NSDHL: variants seen among roughly 807,000 people sequenced by gnomAD.
The protein encoded by NSDHL is sterol-4-alpha-carboxylate 3-dehydrogenase, decarboxylating.
In NSDHL, 1 loss-of-function variant was observed where a neutral mutation model predicts 23.0. That is an observed-to-expected ratio of 0.04 (90% CI 0.02 to 0.21). The LOEUF (loss-of-function observed/expected upper bound fraction) is 0.21. Ranked by LOEUF, NSDHL falls within the 10% of genes least tolerant of loss-of-function variation. The probability of loss-of-function intolerance (pLI) is 1.00; values close to 1 mark genes in which losing one functional copy is unlikely to be tolerated. For synonymous variants in NSDHL, 128 were observed against 121.1 expected (o/e 1.06, Z -0.37); for missense variants, 237 against 300.9 (o/e 0.79, Z 1.57).
At chrX:152,867,272 G>A (rs782292111) in intron 6 of NSDHL, among the ~76,000 whole-genome samples, 6 of 112,187 alleles carry the variant, frequency 5.3e-5, no homozygotes, top group Non-Finnish European at 1.1e-4. Flanking sequence ...CCTGGGAAGG[G>A]GCTGAAAAGC....
chrX:152,867,638 G>C lies in NSDHL; in HGVS notation c.754G>C (p.Glu252Gln), dbSNP rs371404417. The change falls in exon 7 of 8, where the codon GAG (glutamate) becomes CAG (glutamine). Residue 252 changes from glutamate to glutamine, a missense_variant. By Grantham distance (29) the Glu-to-Gln change is conservative (BLOSUM62 2). Coordinates refer to ENST00000370274, the MANE Select transcript of NSDHL (RefSeq NM_015922.3). ...NVVHGHILAA[E>Q]QLSRDSTLGG... ...GGTCCATGGACACATCCTGGCGGCA[G>C]AGCAGCTCTCCCGAGACTCGACACT... 9.9e-6 allele frequency: 12 copies of C among 1,207,521 alleles called. No homozygotes were observed. The highest frequency in any genetic ancestry group is 3.5e-5 in the African/African-American group (2 of 57,262).
At chrX:152,868,577 A>G (rs1193526324) in intron 7 of NSDHL, among the ~76,000 whole-genome samples, 2 of 112,715 alleles carry the variant, frequency 1.8e-5, no homozygotes, top group African/African-American at 3.2e-5. Context: ...AGTGCAATCT[A>G]TGCTTCATTT....
chrX:152,856,028 C>G (rs1933439806), intron 3 of NSDHL, among the ~76,000 whole-genome samples: 1 of 112,229 alleles, frequency 8.9e-6, no homozygotes, highest in Non-Finnish European at 1.9e-5. Context: ...TTTTAAACTT[C>G]AGTCTATTTA....
In NSDHL at chrX:152,865,148, T is replaced by C. The variant is rs1221914633; in HGVS notation, c.544-671T>C. Reference sequence around the variant, plus strand: ...AGACTCTTGAGTTCTAGTTTGTCCATGAAGTCACACAGAAGTCACCCTTTC... The same window carrying C: ...AGACTCTTGAGTTCTAGTTTGTCCACGAAGTCACACAGAAGTCACCCTTTC... On this transcript the variant is annotated intron_variant, in intron 5 of 7. Coordinates refer to ENST00000370274, the MANE Select transcript of NSDHL (RefSeq NM_015922.3). Among the ~76,000 whole-genome samples, 4 of 112,752 alleles carry C rather than the reference T, an allele frequency of 3.5e-5. No individual in the cohort carries two copies. The Admixed American group carries it at 3.7e-4, about 11-fold the overall frequency.
At chrX:152,867,835 G>A (rs1556848298) in intron 7 of NSDHL, among the ~76,000 whole-genome samples, 162 bp downstream of exon 7, 1 of 112,073 alleles carries the variant, frequency 8.9e-6, no homozygotes, top group Non-Finnish European at 1.9e-5. Flanking sequence ...AGCATGTGGT[G>A]TCACTGCAGC....
intron 2 of NSDHL, among the ~76,000 whole-genome samples, chrX:152,847,804 A>G (rs1933296519): frequency 9.0e-6 from 1 of 111,464 alleles, no homozygotes; most frequent in African/African-American, 3.3e-5. Flanking sequence ...CCAGCGCCCT[A>G]GACTATTCTG....
At chrX:152,855,381 T>G (rs1933429775) in intron 3 of NSDHL, among the ~76,000 whole-genome samples, 1 of 111,806 alleles carries the variant, frequency 8.9e-6, no homozygotes, top group African/African-American at 3.3e-5. Flanking sequence ...CCGGTCGTTG[T>G]TCGTTTGTAG....
At chrX:152,837,270 A>C (rs1569471499) in intron 1 of NSDHL, among the ~76,000 whole-genome samples, 1 of 111,438 alleles carries the variant, frequency 9.0e-6, no homozygotes, top group East Asian at 2.8e-4. Flanking sequence ...CTCTTTTCCT[A>C]ATTGAATACC....
chrX:152,850,145 AAG>A (rs1321353675), intron 2 of NSDHL, 118 bp from the exon 3 acceptor site: 66 of 759,096 alleles, frequency 8.7e-5, no homozygotes, highest in Non-Finnish European at 1.2e-4. Flanking sequence ...TTGGCTCAAG[AAG>A]AGTTCCAAAC....
At chrX:152,832,616 C>G (rs1430277963) in intron 1 of NSDHL, among the ~76,000 whole-genome samples, 1 of 111,988 alleles carries the variant, frequency 8.9e-6, no homozygotes, top group East Asian at 2.8e-4. Context: ...GGTAACCCTT[C>G]TAGCTTAATG....
intron 3 of NSDHL, among the ~76,000 whole-genome samples, chrX:152,857,003 C>T (rs1466552323): frequency 8.9e-6 from 1 of 112,559 alleles, no homozygotes; most frequent in Non-Finnish European, 1.9e-5. Context: ...TGAGATCATG[C>T]CACTGCACTC....
intron 4 of NSDHL, 149 bp downstream of exon 4, chrX:152,859,065 C>A: frequency 2.2e-6 from 1 of 458,983 alleles, no homozygotes. Context: ...CCCTTGGAGT[C>A]ACTGGAGATG....
At chrX:152,841,645 A>G (rs1556844892) in intron 1 of NSDHL, among the ~76,000 whole-genome samples, 2 of 111,983 alleles carry the variant, frequency 1.8e-5, no homozygotes, top group Non-Finnish European at 1.9e-5. Flanking sequence ...TTGGTTTTTA[A>G]TGGATTCAAA....
intron 7 of NSDHL, 81 bp from the exon 8 acceptor site, chrX:152,868,703 T>C: frequency 2.4e-6 from 2 of 848,025 alleles, no homozygotes; most frequent in Non-Finnish European, 3.5e-6. Context: ...GAGAATGCGA[T>C]CTGCACGGGC....
At position 152,865,863 on chromosome X, in the gene NSDHL, A is replaced by G; in HGVS notation, c.588A>G (p.Thr196=). Residue 196 remains threonine, a synonymous_variant, in exon 6 of 8, where the codon ACA becomes ACG. Coordinates refer to ENST00000370274, the MANE Select transcript of NSDHL (RefSeq NM_015922.3). ...ANDPEKNFLT[T]AIRPHGIFGP... The stretch of plus-strand genomic sequence containing the variant: ...ATCCTGAGAAGAATTTCTTAACCAC[A>G]GCCATCCGCCCTCATGGCATTTTCG... 3 of 1,212,139 alleles carry G rather than the reference A, an allele frequency of 2.5e-6. No homozygotes were observed. The highest frequency in any genetic ancestry group is 3.4e-6 in the Non-Finnish European group (3 of 895,442).
rs149619028 is a variant in NSDHL, at chrX:152,850,144, G to C, written c.109-121G>C. ...ATATAAAGCTTCCAACTTGGCTCAA[G>C]AAGAGTTCCAAACAAACAAGTATAT... On this transcript the variant is annotated intron_variant, in intron 2 of 7. Coordinates refer to ENST00000370274, the MANE Select transcript of NSDHL (RefSeq NM_015922.3). 8 of 758,138 alleles carry C rather than the reference G, an allele frequency of 1.1e-5. No homozygotes were observed. The East Asian group carries it at 2.5e-4, about 24-fold the overall frequency. 62.5% of individuals were successfully genotyped at this position (758,138 alleles called of 1,213,427 possible). A position where few individuals can be genotyped will look rare whatever the true frequency, so the allele number is the denominator to read the frequency against.
At chrX:152,831,478 G>A (rs1933013062) in intron 1 of NSDHL, among the ~76,000 whole-genome samples, 1 of 110,869 alleles carries the variant, frequency 9.0e-6, no homozygotes, top group African/African-American at 3.3e-5. Flanking sequence ...TTCCAAGAGA[G>A]GATCACTTTA....
intron 3 of NSDHL, among the ~76,000 whole-genome samples, chrX:152,850,865 G>A (rs148798622): frequency 7.1e-5 from 8 of 112,294 alleles, no homozygotes; most frequent in African/African-American, 2.3e-4. Flanking sequence ...CTGTGCAACT[G>A]TCTCCCATGA....
rs1213740380 is a variant in NSDHL, at chrX:152,869,122, A to C, written c.*6A>C. 8.4e-7 allele frequency: 1 copy of C among 1,190,673 alleles called. No individual in the cohort carries two copies. The highest frequency in any genetic ancestry group is 2.2e-5 in the Admixed American group (1 of 45,846). On this transcript the variant is annotated 3_prime_UTR_variant, in exon 8 of 8. Transcript: ENST00000370274. The stretch of plus-strand genomic sequence containing the variant: ...ACCTGCGGAGGGTCAAGTGAGGGAC[A>C]CTGGAGGCTGGGCTCTCTCGACACG...
Sources: gnomAD v4.1 joint callset for allele counts (sites outside exome capture counted in the v4.1 genomes callset) on GRCh38, gnomAD v4.1.1 for gene constraint, MANE v1.5 for transcripts, NCBI Gene and HGNC (gene_info 2026-07-23, HGNC 2026-07-21) for gene names.